PCDHGA11: variants seen among roughly 807,000 people sequenced by gnomAD.
The protein encoded by PCDHGA11 is protocadherin gamma subfamily A, 11.
PCDHGA11 carries 39 observed loss-of-function variants against 60.4 expected under a neutral mutation model. That is an observed-to-expected ratio of 0.65 (90% CI 0.50 to 0.84). PCDHGA11 has a LOEUF of 0.84. Among genes scored for constraint, PCDHGA11 ranks in the 40% least tolerant of loss-of-function variants. The probability of loss-of-function intolerance (pLI) is 0.00; values close to 1 mark genes in which losing one functional copy is unlikely to be tolerated. For synonymous variants in PCDHGA11, 533 were observed against 510.3 expected (o/e 1.04, Z -0.60); for missense variants, 1,165 against 1,197.7 (o/e 0.97, Z 0.40).
intron 1 of PCDHGA11, chr5:141,441,629 G>T: frequency 4.5e-6 from 1 of 224,156 alleles, no homozygotes; most frequent in Non-Finnish European, 9.0e-6. Flanking sequence ...GTGACCTGGA[G>T]CCACAGGCGC....
chr5:141,492,078 C>T (rs948391194), intron 1 of PCDHGA11: 4 of 483,290 alleles, frequency 8.3e-6, no homozygotes, highest in African/African-American at 2.0e-5. Flanking sequence ...GCGCCGGCTC[C>T]GGCACGCTTC....
Position 141,510,866 on chromosome 5 carries a change from C to G in PCDHGA11, c.2582-81C>G. 1.9e-6 allele frequency: 3 copies of G among 1,607,908 alleles called. No homozygotes were observed. The East Asian group carries it at 6.7e-5, about 36-fold the overall frequency. ...AGGCCCAGGGTGCTGTATAGGCATT[C>G]ATTAACTGCTGGGGATATAAGACAG... On this transcript the variant is annotated intron_variant, in intron 3 of 3. Coordinates refer to ENST00000398587, the MANE Select transcript of PCDHGA11 (RefSeq NM_018914.3).
chr5:141,466,812 G>A (rs1394979761), intron 1 of PCDHGA11, among the ~76,000 whole-genome samples: 3 of 151,940 alleles, frequency 2.0e-5, no homozygotes, highest in Non-Finnish European at 4.4e-5. Flanking sequence ...ATTCAGACAT[G>A]GTATAACAAG....
At chr5:141,459,568 CAG>C (rs930633590) in intron 1 of PCDHGA11, among the ~76,000 whole-genome samples, 1 of 152,152 alleles carries the variant, frequency 6.6e-6, no homozygotes, top group Non-Finnish European at 1.5e-5. Context: ...TACCCCAAAA[CAG>C]AATTGTTTTG....
At chr5:141,460,981 GTGTA>G (rs1315974712) in intron 1 of PCDHGA11, among the ~76,000 whole-genome samples, 3 of 121,894 alleles carry the variant, frequency 2.5e-5, no homozygotes, top group Non-Finnish European at 5.1e-5. Context: ...GTGTGTGTGT[GTGTA>G]TATATATATA....
intron 1 of PCDHGA11, chr5:141,441,810 C>T (rs2098275091): frequency 6.4e-5 from 24 of 372,574 alleles, no homozygotes; most frequent in Middle Eastern, 7.2e-4. Flanking sequence ...GGTGCTGTAC[C>T]CCAGCTCTGG....
At chr5:141,458,172 T>C (rs1023447659) in intron 1 of PCDHGA11, among the ~76,000 whole-genome samples, 2 of 152,216 alleles carry the variant, frequency 1.3e-5, no homozygotes, top group African/African-American at 4.8e-5. Flanking sequence ...CACAGTAGTA[T>C]ACCTTACTTG....
At chr5:141,433,123 C>T (rs575738328) in intron 1 of PCDHGA11, 5 of 1,614,116 alleles carry the variant, frequency 3.1e-6, no homozygotes, top group African/African-American at 2.7e-5. Context: ...TTGAAAAAAG[C>T]GAGCCCCTTT....
intron 1 of PCDHGA11, among the ~76,000 whole-genome samples, chr5:141,461,804 C>A (rs559757409): frequency 1.4e-3 from 212 of 152,036 alleles, no homozygotes; most frequent in African/African-American, 5.0e-3. Context: ...CAGGTGCCCA[C>A]CACCACACCC....
chr5:141,459,503 A>T (rs1346447458), intron 1 of PCDHGA11, among the ~76,000 whole-genome samples: 1 of 152,242 alleles, frequency 6.6e-6, no homozygotes, highest in Non-Finnish European at 1.5e-5. Flanking sequence ...AGTGATGTGA[A>T]CAATCATGTA....
At position 141,490,954 on chromosome 5, in the gene PCDHGA11, G is replaced by A. The variant is rs749646808; in HGVS notation, c.2434-3853G>A. On this transcript the variant is annotated intron_variant, in intron 1 of 3. Coordinates refer to ENST00000398587, the MANE Select transcript of PCDHGA11 (RefSeq NM_018914.3). This position sits in a 1 kb window ranked among gnomAD's most constrained non-coding sequence, Gnocchi z 5.4. ...TGTGCTGCACCCACGGCCAGACTGGGAACACTCAGCCCCCCAGCGTCTCCC... is the reference window on the plus strand; with the variant it reads ...TGTGCTGCACCCACGGCCAGACTGGAAACACTCAGCCCCCCAGCGTCTCCC... 9 of 1,613,662 alleles carry A rather than the reference G, an allele frequency of 5.6e-6. No individual in the cohort carries two copies. The African/African-American group carries it at 8.0e-5, about 14-fold the overall frequency.
intron 1 of PCDHGA11, among the ~76,000 whole-genome samples, chr5:141,461,314 T>A (rs1453512629): frequency 6.6e-6 from 1 of 152,198 alleles, no homozygotes; most frequent in Non-Finnish European, 1.5e-5. Context: ...TTTTTTGACT[T>A]TTTAATAATG....
chr5:141,473,263 T>C (rs2099318134), intron 1 of PCDHGA11, among the ~76,000 whole-genome samples: 1 of 152,210 alleles, frequency 6.6e-6, no homozygotes, highest in African/African-American at 2.4e-5. Context: ...GTCCTTAGTG[T>C]ATGCTATGAT....
intron 1 of PCDHGA11, among the ~76,000 whole-genome samples, chr5:141,484,107 A>C (rs13361997): frequency 0.24 from 37,195 of 152,070 alleles, 6,332 homozygotes; most frequent in African/African-American, 0.48. Context: ...TAATTAACAA[A>C]AGATCAAGAA....
In PCDHGA11 at chr5:141,489,750, C is replaced by A. The variant is rs753217170; in HGVS notation, c.2434-5057C>A. 1 of 1,614,098 alleles carries A rather than the reference C, an allele frequency of 6.2e-7. No individual in the cohort carries two copies. The highest frequency in any genetic ancestry group is 1.1e-5 in the South Asian group (1 of 91,080). Reference sequence around the variant, plus strand: ...TGGGCACCAATACTGTGAGCTTTTACACTCTAAGCCCCAACAGCCACTTCT... The same window carrying A: ...TGGGCACCAATACTGTGAGCTTTTAAACTCTAAGCCCCAACAGCCACTTCT... On this transcript the variant is annotated intron_variant, in intron 1 of 3. Coordinates refer to ENST00000398587, the MANE Select transcript of PCDHGA11 (RefSeq NM_018914.3). This position sits in a 1 kb window ranked among gnomAD's most constrained non-coding sequence, Gnocchi z 4.5.
At chr5:141,509,692 C>T (rs755446680) in intron 3 of PCDHGA11, among the ~76,000 whole-genome samples, 8 of 152,126 alleles carry the variant, frequency 5.3e-5, no homozygotes, top group Non-Finnish European at 1.0e-4. Context: ...TACAGTGGGA[C>T]GTTGGACTGG....
chr5:141,470,972 C>T (rs1186771156), intron 1 of PCDHGA11, among the ~76,000 whole-genome samples: 3 of 151,988 alleles, frequency 2.0e-5, no homozygotes, highest in Non-Finnish European at 4.4e-5. Flanking sequence ...CCACCTCAGC[C>T]TCCCAAAGTG....
intron 1 of PCDHGA11, among the ~76,000 whole-genome samples, chr5:141,466,035 C>T (rs10054619): frequency 0.28 from 42,092 of 151,762 alleles, 6,545 homozygotes; most frequent in African/African-American, 0.42. Flanking sequence ...GGCAGGAGAA[C>T]GGCATGAACC....
At chr5:141,448,862 G>A (rs1406203589) in intron 1 of PCDHGA11, among the ~76,000 whole-genome samples, 2 of 151,996 alleles carry the variant, frequency 1.3e-5, no homozygotes, top group African/African-American at 2.4e-5. Context: ...GGAGAATGGC[G>A]TGAACCTGGG....
Sources: allele counts gnomAD v4.1 joint callset (sites outside exome capture counted in the v4.1 genomes callset), GRCh38; gene constraint gnomAD v4.1.1; non-coding constraint Gnocchi (gnomAD v3.1); transcripts MANE v1.5; gene names NCBI Gene and HGNC (gene_info 2026-07-23, HGNC 2026-07-21).